PTPRD: variants seen among roughly 807,000 people sequenced by gnomAD.
PTPRD encodes protein tyrosine phosphatase receptor type D, also known as receptor-type tyrosine-protein phosphatase delta.
In PTPRD, 34 loss-of-function variants were observed where a neutral mutation model predicts 214.5. That is an observed-to-expected ratio of 0.16 (90% CI 0.12 to 0.21). The LOEUF is 0.21. Among genes scored for constraint, PTPRD ranks in the 10% least tolerant of loss-of-function variants. The pLI, the probability that PTPRD is intolerant of heterozygous loss-of-function variation, is 1.00. For synonymous variants in PTPRD, 1,128 were observed against 845.7 expected (o/e 1.33, Z -5.79); for missense variants, 2,545 against 2,398.7 (o/e 1.06, Z -1.27).
intron 4 of PTPRD, among the ~76,000 whole-genome samples, chr9:9,946,756 G>C (rs186043653): frequency 4.6e-5 from 7 of 152,016 alleles, no homozygotes; most frequent in Admixed American, 4.6e-4. Context: ...AGCTCTAAAA[G>C]CACAAATGTT....
chr9:9,756,695 G>T (rs911345375), intron 6 of PTPRD, among the ~76,000 whole-genome samples: 6 of 152,082 alleles, frequency 3.9e-5, no homozygotes, highest in African/African-American at 1.4e-4. Flanking sequence ...CCACTGCATT[G>T]TTCACTTTAA....
At chr9:9,261,782 G>A (rs1242067546) in intron 9 of PTPRD, among the ~76,000 whole-genome samples, 1 of 151,644 alleles carries the variant, frequency 6.6e-6, no homozygotes, top group Non-Finnish European at 1.5e-5. Context: ...ATCTGTTTTT[G>A]GCTAAGTGTG....
intron 2 of PTPRD, among the ~76,000 whole-genome samples, chr9:10,352,244 G>A (rs1412919143): frequency 6.6e-6 from 1 of 151,986 alleles, no homozygotes; most frequent in Non-Finnish European, 1.5e-5. Context: ...ACTTTATCCT[G>A]TTTTAATATC....
chr9:9,652,666 G>A (rs1183218793), intron 7 of PTPRD, among the ~76,000 whole-genome samples: 2 of 150,854 alleles, frequency 1.3e-5, no homozygotes, highest in Non-Finnish European at 2.9e-5. Flanking sequence ...CCAGGCTGGA[G>A]TGCAATGGCA....
chr9:9,087,800 T>C lies in PTPRD; in HGVS notation c.-142-69065A>G, dbSNP rs1401644300. Among the ~76,000 whole-genome samples the C allele has an allele frequency of 2.0e-5, 3 of 151,316 alleles. No homozygotes were observed. In the East Asian group the frequency reaches 5.8e-4, roughly 29 times the overall value. Reference sequence around the variant, plus strand: ...CCACATTCCTTTCATTTTCACAATATGCCTGCTCTTCACTCAACACAATCG... The same window carrying C: ...CCACATTCCTTTCATTTTCACAATACGCCTGCTCTTCACTCAACACAATCG... On this transcript the variant is annotated intron_variant, in intron 10 of 45. Coordinates refer to ENST00000381196, the MANE Select transcript of PTPRD (RefSeq NM_002839.4).
intron 2 of PTPRD, among the ~76,000 whole-genome samples, chr9:10,380,946 T>A (rs1298915465): frequency 6.6e-6 from 1 of 151,964 alleles, no homozygotes; most frequent in Non-Finnish European, 1.5e-5. Context: ...CACAGGTATA[T>A]TTCACACTTA....
At chr9:10,335,948 G>A (rs1182378302) in intron 3 of PTPRD, among the ~76,000 whole-genome samples, 1 of 151,732 alleles carries the variant, frequency 6.6e-6, no homozygotes, top group East Asian at 1.9e-4. Context: ...ACTAAATGCT[G>A]TCAAGGATGT....
chr9:10,035,368 T>G (rs1163374940), intron 3 of PTPRD, among the ~76,000 whole-genome samples: 1 of 152,150 alleles, frequency 6.6e-6, no homozygotes, highest in South Asian at 2.1e-4. Context: ...TTGCAAAAAT[T>G]TTCTCCCATT....
rs533443361 is a variant in PTPRD at position 10,540,148 on chromosome 9, G to A, written c.-600+72250C>T. Among the ~76,000 whole-genome samples the A allele has an allele frequency of 1.8e-4, 28 of 152,180 alleles. No homozygotes were observed. In the East Asian group the frequency reaches 4.4e-3, roughly 24 times the overall value. ...AGGTTCAACCAATTCTCCTCCCTCAGCCTCCAGAGTAGTTGGGACAACTGG... is the reference window on the plus strand; with the variant it reads ...AGGTTCAACCAATTCTCCTCCCTCAACCTCCAGAGTAGTTGGGACAACTGG... On this transcript the variant is annotated intron_variant, in intron 2 of 45. Transcript: ENST00000381196.
At chr9:10,571,583 T>G (rs1343207665) in intron 2 of PTPRD, among the ~76,000 whole-genome samples, 1 of 152,174 alleles carries the variant, frequency 6.6e-6, no homozygotes, top group Non-Finnish European at 1.5e-5. Context: ...CCCTCATCTG[T>G]AAAGTGGTCA....
chr9:9,710,697 C>G (rs1421584790), intron 7 of PTPRD, among the ~76,000 whole-genome samples: 3 of 152,060 alleles, frequency 2.0e-5, no homozygotes, highest in South Asian at 2.1e-4. Flanking sequence ...CAAATTTCCT[C>G]TTTAAGGTAT....
chr9:8,643,707 C>G (rs191666072), intron 12 of PTPRD, among the ~76,000 whole-genome samples: 56 of 152,334 alleles, frequency 3.7e-4, no homozygotes, highest in African/African-American at 1.2e-3. Context: ...CATGTTGGGG[C>G]AGCACTGAGA....
In PTPRD at chr9:8,680,996, C is replaced by G. The variant is rs78285277; in HGVS notation, c.65-44152G>C. Among the ~76,000 whole-genome samples, 103 of 152,272 alleles carry G rather than the reference C, an allele frequency of 6.8e-4. 1 individual carries two copies. In the East Asian group the frequency reaches 0.018, roughly 26 times the overall value. On this transcript the variant is annotated intron_variant, in intron 12 of 45. Transcript: ENST00000381196. ...AGAAAGAACACATTTTCCTATATTT[C>G]CTAGGTTCAAAAATTTGAAACAGTC... is the stretch of plus-strand genomic sequence containing the variant.
chr9:10,166,380 TTTTG>T (rs1334304127), intron 3 of PTPRD, among the ~76,000 whole-genome samples: 4 of 151,806 alleles, frequency 2.6e-5, no homozygotes, highest in Admixed American at 6.6e-5. Flanking sequence ...GCTGATTTTT[TTTTG>T]TTTGTTTACT....
chr9:10,610,453 A>C (rs2080667132), intron 2 of PTPRD, among the ~76,000 whole-genome samples: 1 of 152,110 alleles, frequency 6.6e-6, no homozygotes. Flanking sequence ...TGTTTGAACC[A>C]CTGTTAAATT....
chr9:10,433,215 T>C (rs984461088), intron 2 of PTPRD, among the ~76,000 whole-genome samples: 2 of 151,970 alleles, frequency 1.3e-5, no homozygotes, highest in African/African-American at 4.8e-5. Flanking sequence ...CCTTTACTTT[T>C]ATCTATTTCT....
intron 3 of PTPRD, among the ~76,000 whole-genome samples, chr9:10,080,031 A>T (rs1416250330): frequency 1.3e-5 from 2 of 151,978 alleles, no homozygotes; most frequent in Non-Finnish European, 2.9e-5. Flanking sequence ...TTGTAACAGC[A>T]GAGAACATAA....
chr9:10,448,955 T>C (rs983455238), intron 2 of PTPRD, among the ~76,000 whole-genome samples: 15 of 152,060 alleles, frequency 9.9e-5, no homozygotes, highest in Admixed American at 1.3e-4. Context: ...TTAATGAAAA[T>C]AGCAGTTATT....
At chr9:9,317,288 C>A (rs1963773520) in intron 9 of PTPRD, among the ~76,000 whole-genome samples, 1 of 152,198 alleles carries the variant, frequency 6.6e-6, no homozygotes, top group Admixed American at 6.5e-5. Flanking sequence ...AGTCCACTAG[C>A]TTAAGCTAAA....
Sources: gnomAD v4.1 joint callset for allele counts (sites outside exome capture counted in the v4.1 genomes callset) on GRCh38, gnomAD v4.1.1 for gene constraint, MANE v1.5 for transcripts, NCBI Gene and HGNC (gene_info 2026-07-23, HGNC 2026-07-21) for gene names.